ASAP1: variants seen among roughly 807,000 people sequenced by gnomAD.
ASAP1 encodes the protein arf-GAP with SH3 domain, ANK repeat and PH domain-containing protein 1.
ASAP1 carries 43 observed loss-of-function variants against 145.2 expected under a neutral mutation model. The ratio of observed to expected loss-of-function variants is 0.30; its 90% CI spans 0.23 to 0.38. ASAP1 has a LOEUF of 0.38. ASAP1 is among the 10% of genes least tolerant of loss of function. The probability of loss-of-function intolerance (pLI) is 1.00; values close to 1 mark genes in which losing one functional copy is unlikely to be tolerated. For missense variants in ASAP1, 1,018 were observed against 1,355.3 expected (o/e 0.75, Z 3.91); for synonymous variants, 546 against 515.5 (o/e 1.06, Z -0.80).
At chr8:130,087,209 AGGGGTATAGGC>A (rs2097495406) in intron 25 of ASAP1, among the ~76,000 whole-genome samples, 1 of 152,136 alleles carries the variant, frequency 6.6e-6, no homozygotes, top group Non-Finnish European at 1.5e-5. Flanking sequence ...GGAACCAAAG[AGGGGTATAGGC>A]TTCACACTTG....
At chr8:130,063,799 C>G (rs1592717667) in intron 27 of ASAP1, among the ~76,000 whole-genome samples, 2 of 152,288 alleles carry the variant, frequency 1.3e-5, no homozygotes, top group South Asian at 4.1e-4. Context: ...ATTTGCTGGG[C>G]ATGTGCCGTG....
At chr8:130,400,556 G>A (rs1828742108) in intron 2 of ASAP1, among the ~76,000 whole-genome samples, 1 of 151,780 alleles carries the variant, frequency 6.6e-6, no homozygotes. Flanking sequence ...GGGAGGCCGA[G>A]GCGGGCAGAT....
chr8:130,313,917 C>T (rs1565199025), intron 3 of ASAP1, among the ~76,000 whole-genome samples: 1 of 152,202 alleles, frequency 6.6e-6, no homozygotes. Context: ...CTCCTCTCCC[C>T]ACTTCAGCTC....
intron 12 of ASAP1, among the ~76,000 whole-genome samples, chr8:130,157,020 C>T (rs1479933339): frequency 6.6e-6 from 1 of 152,174 alleles, no homozygotes; most frequent in Non-Finnish European, 1.5e-5. Flanking sequence ...TGTAATAGTA[C>T]ATTGTTGCTC....
At chr8:130,250,761 A>T (rs964794744) in intron 3 of ASAP1, among the ~76,000 whole-genome samples, 1 of 151,660 alleles carries the variant, frequency 6.6e-6, no homozygotes, top group Admixed American at 6.6e-5. Flanking sequence ...TGATGGAGTT[A>T]AAAAAAAATC....
chr8:130,168,307 G>A (rs1464606930), intron 10 of ASAP1, among the ~76,000 whole-genome samples: 1 of 152,030 alleles, frequency 6.6e-6, no homozygotes, highest in Non-Finnish European at 1.5e-5. Context: ...TAAAAAAAGA[G>A]AGATAATATA....
intron 9 of ASAP1, 158 bp downstream of exon 9, chr8:130,179,106 T>C: frequency 4.0e-6 from 2 of 505,708 alleles, no homozygotes; most frequent in Non-Finnish European, 7.1e-6. Flanking sequence ...ACACTGAAGA[T>C]GGAAGACACT....
At chr8:130,314,606 T>C (rs1251660723) in intron 3 of ASAP1, among the ~76,000 whole-genome samples, 3 of 152,234 alleles carry the variant, frequency 2.0e-5, no homozygotes, top group Non-Finnish European at 4.4e-5. Flanking sequence ...TCAGTACCAA[T>C]GCCTGGGCAG....
intron 2 of ASAP1, chr8:130,386,973 C>T (rs1475682653): frequency 1.3e-5 from 2 of 152,166 alleles, no homozygotes; most frequent in African/African-American, 4.8e-5. Flanking sequence ...GCAGAGAACC[C>T]CTTTCAGGAG....
chr8:130,069,616 G>C (rs1251240917), intron 27 of ASAP1: 2 of 152,128 alleles, frequency 1.3e-5, no homozygotes, highest in African/African-American at 4.8e-5. Flanking sequence ...TCTCTGTATG[G>C]TTCCAATTTT....
At chr8:130,188,953 C>G (rs1251645613) in intron 5 of ASAP1, among the ~76,000 whole-genome samples, 1 of 151,966 alleles carries the variant, frequency 6.6e-6, no homozygotes, top group African/African-American at 2.4e-5. Flanking sequence ...ATTTCCTTTT[C>G]ACATTTTTTT....
At position 130,369,418 on chromosome 8, in the gene ASAP1, T is replaced by C. The variant is rs117471115; in HGVS notation, c.60-11275A>G. On this transcript the variant is annotated intron_variant, in intron 2 of 29. Coordinates refer to ENST00000518721, the MANE Select transcript of ASAP1 (RefSeq NM_018482.4). ...GCATCTCATGTTGGCATTCAAAAAG[T>C]TTTGGATTTGGGAGAATTTCACATT... Among the ~76,000 whole-genome samples the C allele has an allele frequency of 2.3e-3, 346 of 152,266 alleles. 1 individual carries two copies. The highest frequency in any genetic ancestry group is 3.5e-3 in the Non-Finnish European group (241 of 68,026).
At chr8:130,057,910 G>A (rs1413219290) in intron 29 of ASAP1, 44 bp downstream of exon 29, 2 of 1,604,696 alleles carry the variant, frequency 1.2e-6, no homozygotes, top group Non-Finnish European at 1.7e-6. Context: ...GCCCAGGCAT[G>A]CTGTATGAAT....
chr8:130,180,623 T>C (rs1038125523), intron 8 of ASAP1, 128 bp downstream of exon 8: 20 of 1,173,094 alleles, frequency 1.7e-5, no homozygotes, highest in Non-Finnish European at 2.1e-5. Flanking sequence ...GAGATTAGAA[T>C]CCTTAAGAAA....
intron 3 of ASAP1, among the ~76,000 whole-genome samples, chr8:130,348,043 C>T (rs1454155596): frequency 6.6e-6 from 1 of 152,124 alleles, no homozygotes; most frequent in Non-Finnish European, 1.5e-5. Context: ...TCTCTGAGGC[C>T]TTTTCCAGTT....
intron 1 of ASAP1, among the ~76,000 whole-genome samples, chr8:130,416,522 T>C (rs1453238962): frequency 6.6e-6 from 1 of 152,254 alleles, no homozygotes; most frequent in African/African-American, 2.4e-5. Context: ...TGCAAGTCAC[T>C]TGCTTTGCAA....
At chr8:130,108,141 C>T (rs530587393) in intron 24 of ASAP1, among the ~76,000 whole-genome samples, 3 of 152,328 alleles carry the variant, frequency 2.0e-5, no homozygotes, top group South Asian at 4.1e-4. Context: ...CCACACAGCA[C>T]GCTACTTTCG....
intron 2 of ASAP1, among the ~76,000 whole-genome samples, chr8:130,371,415 G>A (rs1261762732): frequency 6.6e-6 from 1 of 152,178 alleles, no homozygotes; most frequent in Non-Finnish European, 1.5e-5. Flanking sequence ...TACCTGCTAT[G>A]TAGTCCCCGT....
chr8:130,187,250 A>G lies in ASAP1; in HGVS notation c.516T>C (p.Asp172=), dbSNP rs953166589. 23 of 1,609,636 alleles carry G rather than the reference A, an allele frequency of 1.4e-5. No individual in the cohort carries two copies. The highest frequency in any genetic ancestry group is 2.0e-5 in the Non-Finnish European group (23 of 1,178,940). Reference sequence around the variant, plus strand: ...AAACCACTTACAACTTTGTCTCATAATCTTTCCAGGCTTTGTCAAATGGCT... The same window carrying G: ...AAACCACTTACAACTTTGTCTCATAGTCTTTCCAGGCTTTGTCAAATGGCT... The part of the protein sequence containing the change: ...LKKPFDKAWK[D]YETKFTKIEK... The change falls in exon 7 of 30, where the codon GAT becomes GAC. Residue 172 remains aspartate (D), a synonymous_variant. Coordinates refer to ENST00000518721, the MANE Select transcript of ASAP1 (RefSeq NM_018482.4).
Sources: gnomAD v4.1 joint callset for allele counts (sites outside exome capture counted in the v4.1 genomes callset) on GRCh38, gnomAD v4.1.1 for gene constraint, MANE v1.5 for transcripts, NCBI Gene and HGNC (gene_info 2026-07-23, HGNC 2026-07-21) for gene names.